The following ARFGAP3 variants were observed in gnomAD, a reference collection of about 807,000 sequenced individuals.
The protein encoded by ARFGAP3 is ARF GTPase activating protein 3.
Under a neutral mutation model 75.0 loss-of-function variants are expected in ARFGAP3, and 72 were observed. The observed-to-expected ratio is 0.96, with a 90% CI of 0.79 to 1.17. The LOEUF (loss-of-function observed/expected upper bound fraction) is 1.17, where lower values mean the gene tolerates loss of function less well. ARFGAP3 is among the 50% of genes most tolerant of loss of function. The pLI, the probability that ARFGAP3 is intolerant of heterozygous loss-of-function variation, is 0.00. For missense variants in ARFGAP3, 620 were observed against 626.6 expected (o/e 0.99, Z 0.11); for synonymous variants, 221 against 217.9 (o/e 1.01, Z -0.13).
intron 2 of ARFGAP3, among the ~76,000 whole-genome samples, chr22:42,841,407 C>T (rs1308014678): frequency 6.6e-6 from 1 of 152,190 alleles, no homozygotes; most frequent in Non-Finnish European, 1.5e-5. Flanking sequence ...CTACCAGAAG[C>T]TTGGAGGATG....
intron 1 of ARFGAP3, among the ~76,000 whole-genome samples, chr22:42,854,635 AAAAG>A (rs1315314812): frequency 2.0e-5 from 3 of 152,252 alleles, no homozygotes; most frequent in East Asian, 3.9e-4. Flanking sequence ...AAGAAAAAAA[AAAAG>A]AAAGAAAAAG....
chr22:42,841,865 C>CTT (rs5845565), intron 2 of ARFGAP3, among the ~76,000 whole-genome samples: 10 of 137,774 alleles, frequency 7.3e-5, no homozygotes, highest in Middle Eastern at 3.8e-3. Context: ...TTACTAATTT[C>CTT]TTTTTTTTTT....
In ARFGAP3 at chr22:42,827,585, C is replaced by A. The variant is rs548889968; in HGVS notation, c.566-586G>T. Reference sequence around the variant, plus strand: ...TTCTCCATGTTGGTCAGGCTGGTCTCAAATTCCTGACCTCAGGTGGTCCAC... The same window carrying A: ...TTCTCCATGTTGGTCAGGCTGGTCTAAAATTCCTGACCTCAGGTGGTCCAC... On this transcript the variant is annotated intron_variant, in intron 6 of 15. Transcript: ENST00000263245. 1.1e-4 allele frequency among the ~76,000 whole-genome samples: 17 copies of A among 152,324 alleles called. No individual in the cohort carries two copies. The South Asian group carries it at 3.5e-3, about 32-fold the overall frequency.
At position 42,837,778 on chromosome 22, in the gene ARFGAP3, T is replaced by A. The variant is rs112112464; in HGVS notation, c.262-2285A>T. Among the ~76,000 whole-genome samples the A allele has an allele frequency of 4.8e-4, 70 of 145,078 alleles. 1 individual carries two copies. The highest frequency in any genetic ancestry group is 1.8e-3 in the African/African-American group (70 of 39,114). ...TCACTGTAGCGCCAACCCCCTGGATTCAAGTGATTCTTCTGCCTCAGACTC... is the reference window on the plus strand; with the variant it reads ...TCACTGTAGCGCCAACCCCCTGGATACAAGTGATTCTTCTGCCTCAGACTC... On this transcript the variant is annotated intron_variant, in intron 3 of 15. Transcript: ENST00000263245.
intron 14 of ARFGAP3, among the ~76,000 whole-genome samples, chr22:42,804,485 G>A (rs759756022): frequency 4.7e-5 from 7 of 148,594 alleles, no homozygotes; most frequent in African/African-American, 1.2e-4. Context: ...AGGTTCAAGC[G>A]ATACTCCTGC....
intron 5 of ARFGAP3, among the ~76,000 whole-genome samples, chr22:42,833,535 C>G (rs1315992218): frequency 6.6e-6 from 1 of 152,204 alleles, no homozygotes; most frequent in African/African-American, 2.4e-5. Flanking sequence ...GCGGGGGTAT[C>G]ACCTGAGGTC....
At chr22:42,844,033 A>T (rs545917842) in intron 2 of ARFGAP3, among the ~76,000 whole-genome samples, 10 of 152,342 alleles carry the variant, frequency 6.6e-5, no homozygotes, top group Non-Finnish European at 1.3e-4. Context: ...ACTCCAGTTA[A>T]ATATGCACAC....
chr22:42,837,639 A>C (rs1018830366), intron 3 of ARFGAP3, among the ~76,000 whole-genome samples: 4 of 125,958 alleles, frequency 3.2e-5, no homozygotes, highest in Non-Finnish European at 4.9e-5. Flanking sequence ...AAAAAAAAAA[A>C]CCAAAAAAAA....
At chr22:42,801,723 A>G (rs73433253) in intron 14 of ARFGAP3, among the ~76,000 whole-genome samples, 6,700 of 152,138 alleles carry the variant, frequency 0.044, 327 homozygotes, top group African/African-American at 0.11. Flanking sequence ...ATTCATCCTC[A>G]AACACCTGCA....
At chr22:42,798,928 A>T in intron 15 of ARFGAP3, 111 bp downstream of exon 15, 1 of 883,128 alleles carries the variant, frequency 1.1e-6, no homozygotes, top group South Asian at 1.4e-5. Context: ...AAACATATCG[A>T]TCCAATAATA....
intron 14 of ARFGAP3, among the ~76,000 whole-genome samples, chr22:42,801,563 T>C (rs932835966): frequency 1.1e-4 from 17 of 152,184 alleles, no homozygotes; most frequent in African/African-American, 3.9e-4. Context: ...TCTTAAGGCT[T>C]GTGCTGGAGG....
At chr22:42,842,850 G>A (rs958025281) in intron 2 of ARFGAP3, among the ~76,000 whole-genome samples, 2 of 151,970 alleles carry the variant, frequency 1.3e-5, no homozygotes, top group African/African-American at 2.4e-5. Flanking sequence ...TCATAAAAAG[G>A]TTCTCCCCAG....
At chr22:42,826,818 A>G in intron 7 of ARFGAP3, 122 bp downstream of exon 7, 1 of 638,364 alleles carries the variant, frequency 1.6e-6, no homozygotes, top group Non-Finnish European at 2.6e-6. Context: ...TCTTATTAAC[A>G]GATTCGGTCA....
chr22:42,856,973 A>G, intron 1 of ARFGAP3, 141 bp downstream of exon 1: 2 of 650,394 alleles, frequency 3.1e-6, no homozygotes, highest in Non-Finnish European at 4.0e-6. Context: ...CGGCCCGGCC[A>G]GGCTGCCGCG....
At chr22:42,816,167 G>A (rs1925570756) in intron 11 of ARFGAP3, among the ~76,000 whole-genome samples, 1 of 152,092 alleles carries the variant, frequency 6.6e-6, no homozygotes, top group South Asian at 2.1e-4. Context: ...CTCTTAAACT[G>A]AGTTTCTATA....
In ARFGAP3 at chr22:42,819,949, C is replaced by T. The variant is rs147149658; in HGVS notation, c.813-2092G>A. Among the ~76,000 whole-genome samples, 329 of 152,230 alleles carry T rather than the reference C, an allele frequency of 2.2e-3. 1 individual carries two copies. The highest frequency in any genetic ancestry group is 7.3e-3 in the African/African-American group (305 of 41,542). ...TCTCAAATCAAATTCATAAATCTTC[C>T]GATCTGCATCTTTGTTTTTGTGATG... On this transcript the variant is annotated intron_variant, in intron 9 of 15. Transcript: ENST00000263245.
chr22:42,847,585 G>GTAA lies in ARFGAP3; in HGVS notation c.116_117insTTA (p.Tyr40dup), dbSNP rs1418669245. On this transcript the variant is annotated inframe_insertion, in exon 2 of 16. Coordinates refer to ENST00000263245, the MANE Select transcript of ARFGAP3 (RefSeq NM_014570.5). The stretch of plus-strand genomic sequence containing the variant: ...AATCAATGCAAAGGAACACTCCATA[G>GTAA]GTTATGCTTGCCCAGCTGGGATTTT... 1.2e-6 allele frequency: 2 copies of GTAA among 1,613,470 alleles called. No individual in the cohort carries two copies. Among genetic ancestry groups the GTAA allele is most frequent in the Non-Finnish European group, 1.7e-6 (2 of 1,179,766 alleles).
chr22:42,809,936 G>A (rs1372899603), intron 12 of ARFGAP3, among the ~76,000 whole-genome samples: 2 of 150,708 alleles, frequency 1.3e-5, no homozygotes, highest in Admixed American at 6.6e-5. Context: ...CCCAGGAGGC[G>A]GAGCTTGCAG....
chr22:42,822,193 T>A, intron 9 of ARFGAP3, 77 bp downstream of exon 9: 248 of 965,934 alleles, frequency 2.6e-4, no homozygotes, highest in Non-Finnish European at 3.2e-4. Context: ...CAAAAATACA[T>A]GGCATTTGGA....
Sources: allele counts gnomAD v4.1 joint callset (sites outside exome capture counted in the v4.1 genomes callset), GRCh38; gene constraint gnomAD v4.1.1; transcripts MANE v1.5; gene names NCBI Gene and HGNC (gene_info 2026-07-23, HGNC 2026-07-21).